Variants in LRRCC1 observed in about 807,000 individuals in gnomAD.
LRRCC1 encodes leucine-rich repeat and coiled-coil domain-containing protein 1.
A neutral mutation model predicts 126.0 loss-of-function variants in LRRCC1; 115 were observed. The ratio of observed to expected loss-of-function variants is 0.91; its 90% CI spans 0.78 to 1.07. LRRCC1 has a LOEUF of 1.07. LRRCC1 is among the 50% of genes least tolerant of loss of function. LRRCC1 has a pLI of 0.00. For missense variants in LRRCC1, 1,172 were observed against 1,175.7 expected (o/e 1.00, Z 0.05); for synonymous variants, 400 against 393.4 (o/e 1.02, Z -0.20).
intron 18 of LRRCC1, among the ~76,000 whole-genome samples, chr8:85,144,530 A>T (rs1434499701): frequency 1.4e-5 from 2 of 141,180 alleles, no homozygotes; most frequent in Middle Eastern, 3.5e-3. Context: ...GTGCAATGGC[A>T]CTATCTTGCC....
In LRRCC1 at chr8:85,138,023, T is replaced by G; in HGVS notation, c.2494-12T>G. 1 of 1,453,808 alleles carries G rather than the reference T, an allele frequency of 6.9e-7. No individual in the cohort carries two copies. The highest frequency in any genetic ancestry group is 2.4e-5 in the East Asian group (1 of 42,480). 90.1% of individuals were successfully genotyped at this position (1,453,808 alleles called of 1,614,324 possible). A position where few individuals can be genotyped will look rare whatever the true frequency, so the allele number is the denominator to read the frequency against. On this transcript the variant is annotated splice_polypyrimidine_tract_variant and intron_variant, in intron 15 of 18. Transcript: ENST00000360375. ...AGTTAATAAAAACAAAGTGCCAATT[T>G]TTTTCTTAAAGTGTTTACAAGAAAA...
At chr8:85,110,572 G>A (rs1808630477) in intron 3 of LRRCC1, among the ~76,000 whole-genome samples, 2 of 152,184 alleles carry the variant, frequency 1.3e-5, no homozygotes, top group Admixed American at 6.5e-5. Context: ...TGGTTATTGA[G>A]CACTTGAAAT....
rs770234473 is a variant in LRRCC1 at position 85,138,321 on chromosome 8, A to T, written c.2703-17A>T. ...TTAATAAACCCAATTTATTTTTCAA[A>T]TTACTTCTCATATTAGTACACTGAA... On this transcript the variant is annotated splice_polypyrimidine_tract_variant and intron_variant, in intron 16 of 18. Transcript: ENST00000360375. 6 of 1,587,550 alleles carry T rather than the reference A, an allele frequency of 3.8e-6. No individual in the cohort carries two copies. Among genetic ancestry groups the T allele is most frequent in the Non-Finnish European group, 5.1e-6 (6 of 1,171,312 alleles).
chr8:85,141,942 G>T (rs148128268), intron 18 of LRRCC1, among the ~76,000 whole-genome samples: 2 of 152,148 alleles, frequency 1.3e-5, no homozygotes. Context: ...ATAAAGTAAT[G>T]AGTTTAGAGT....
intron 18 of LRRCC1, among the ~76,000 whole-genome samples, chr8:85,142,566 T>C (rs920393292): frequency 6.6e-6 from 1 of 152,144 alleles, no homozygotes; most frequent in Non-Finnish European, 1.5e-5. Context: ...CTGGGCACAG[T>C]GGCTCAAGCC....
intron 8 of LRRCC1, among the ~76,000 whole-genome samples, 173 bp downstream of exon 8, chr8:85,125,112 G>T (rs1168658304): frequency 1.3e-5 from 2 of 152,054 alleles, no homozygotes; most frequent in Non-Finnish European, 2.9e-5. Flanking sequence ...ATTTTTGAAC[G>T]AATGAAAATT....
At chr8:85,141,231 A>G in intron 17 of LRRCC1, 151 bp from the exon 18 acceptor site, 1 of 541,754 alleles carries the variant, frequency 1.8e-6, no homozygotes, top group Non-Finnish European at 3.2e-6. Flanking sequence ...TTATATCTTT[A>G]GTTACCCTAT....
chr8:85,111,234 G>A (rs909124771), intron 3 of LRRCC1, among the ~76,000 whole-genome samples: 3 of 152,062 alleles, frequency 2.0e-5, no homozygotes, highest in African/African-American at 4.8e-5. Context: ...AAGATTAGCC[G>A]GACATGGTGG....
In LRRCC1 at chr8:85,145,382, G is replaced by A. The variant is rs746210270; in HGVS notation, c.2977-7G>A. The stretch of plus-strand genomic sequence containing the variant: ...AATTAAAATGTAAAATTTACATGTC[G>A]ATTTAGGTCCATCAAATTGAAAAAG... On this transcript the variant is annotated splice_polypyrimidine_tract_variant and splice_region_variant and intron_variant, in intron 18 of 18. Coordinates refer to ENST00000360375, the MANE Select transcript of LRRCC1 (RefSeq NM_033402.5). 59 of 1,481,962 alleles carry A rather than the reference G, an allele frequency of 4.0e-5. No homozygotes were observed. The highest frequency in any genetic ancestry group is 4.5e-5 in the South Asian group (3 of 67,058). The allele number at this position is 1,481,962 out of a possible 1,614,324, so 91.8% of individuals were successfully genotyped here. A position where few individuals can be genotyped will look rare whatever the true frequency, so the allele number is the denominator to read the frequency against.
chr8:85,145,468 A>C lies in LRRCC1; in HGVS notation c.3056A>C (p.Lys1019Thr), dbSNP rs774305321. The change falls in exon 19 of 19, where the codon AAG becomes ACG. Residue 1019 changes from lysine to threonine, a missense_variant. Coordinates refer to ENST00000360375, the MANE Select transcript of LRRCC1 (RefSeq NM_033402.5). ...AAAAAAACAATGGAAGCAAAAATTA[A>C]GCAACTTGCTTTTGCTTTAAATGAA... The part of the protein sequence containing the change: ...KNKKTMEAKI[K>T]QLAFALNEIQ... 1.9e-6 allele frequency: 3 copies of C among 1,584,576 alleles called. No homozygotes were observed. The East Asian group carries it at 6.9e-5, about 36-fold the overall frequency.
chr8:85,129,320 A>T lies in LRRCC1; in HGVS notation c.1567A>T (p.Thr523Ser), dbSNP rs745494479. The change falls in exon 10 of 19, where the codon ACC becomes TCC. Residue 523 changes from threonine to serine, a missense_variant. By Grantham distance (58) the Thr-to-Ser change is moderately conservative (BLOSUM62 1). Transcript: ENST00000360375. ...QQEDHLKHLR[T>S]LEKTLEKMER... is the part of the protein sequence containing the mutation. ...AGAGGATCACCTTAAACACTTAAGA[A>T]CCCTCGAAAAAACATTAGAAAAAAT... is the stretch of plus-strand genomic sequence containing the variant. 6.2e-7 allele frequency: 1 copy of T among 1,613,216 alleles called. No individual in the cohort carries two copies. The highest frequency in any genetic ancestry group is 1.1e-5 in the South Asian group (1 of 90,600).
At chr8:85,132,601 C>T (rs1810565807) in intron 12 of LRRCC1, among the ~76,000 whole-genome samples, 1 of 152,084 alleles carries the variant, frequency 6.6e-6, no homozygotes, top group African/African-American at 2.4e-5. Context: ...TCATGTTGGT[C>T]AGGCTGGTCT....
Position 85,135,871 on chromosome 8 carries a change from T to G in LRRCC1, c.2237T>G (p.Val746Gly). 1 of 1,607,688 alleles carries G rather than the reference T, an allele frequency of 6.2e-7. No individual in the cohort carries two copies. The highest frequency in any genetic ancestry group is 1.1e-5 in the South Asian group (1 of 90,182). The stretch of plus-strand genomic sequence containing the variant: ...ATAGAACTTCTCAAGCACGAAAAAG[T>G]CCAGCTTATTTCTGAGCTAGCAGCC... Reference protein sequence around the residue: ...IQIELLKHEKVQLISELAAKE... With the variant: ...IQIELLKHEKGQLISELAAKE... The change falls in exon 14 of 19, where the codon GTC (valine) becomes GGC (glycine). Residue 746 changes from valine (V) to glycine (G), a missense_variant. Transcript: ENST00000360375.
chr8:85,141,850 AAC>A (rs1384747209), intron 18 of LRRCC1, among the ~76,000 whole-genome samples: 3 of 152,202 alleles, frequency 2.0e-5, no homozygotes, highest in Non-Finnish European at 4.4e-5. Context: ...GAAGGTATTA[AAC>A]ATAATCCATC....
At chr8:85,122,332 C>T (rs1027976007) in intron 6 of LRRCC1, among the ~76,000 whole-genome samples, 1 of 152,110 alleles carries the variant, frequency 6.6e-6, no homozygotes, top group African/African-American at 2.4e-5. Context: ...TCCAATATTT[C>T]TTCTGCTCCA....
intron 3 of LRRCC1, among the ~76,000 whole-genome samples, chr8:85,111,638 A>T (rs969704972): frequency 1.3e-5 from 2 of 152,172 alleles, no homozygotes; most frequent in African/African-American, 4.8e-5. Flanking sequence ...AATCAGCAAA[A>T]GATTTGAACA....
chr8:85,114,178 A>G (rs1463951917), intron 4 of LRRCC1, among the ~76,000 whole-genome samples: 1 of 152,064 alleles, frequency 6.6e-6, no homozygotes, highest in Non-Finnish European at 1.5e-5. Context: ...AAAGAAAACC[A>G]TATTTCTAAA....
At chr8:85,111,203 C>T (rs1414862076) in intron 3 of LRRCC1, among the ~76,000 whole-genome samples, 2 of 152,094 alleles carry the variant, frequency 1.3e-5, no homozygotes, top group Non-Finnish European at 2.9e-5. Context: ...CATGGAGAAA[C>T]CCCGTCTCTA....
intron 6 of LRRCC1, among the ~76,000 whole-genome samples, chr8:85,122,419 G>C (rs538622737): frequency 6.6e-6 from 1 of 152,100 alleles, no homozygotes; most frequent in South Asian, 2.1e-4. Flanking sequence ...TGTACATTTT[G>C]TCAATGTTTG....
Sources: allele counts gnomAD v4.1 joint callset (sites outside exome capture counted in the v4.1 genomes callset), GRCh38; gene constraint gnomAD v4.1.1; transcripts MANE v1.5; gene names NCBI Gene and HGNC (gene_info 2026-07-23, HGNC 2026-07-21).